The following SEM1 variants were observed in gnomAD, a reference collection of about 807,000 sequenced individuals.
SEM1 encodes SEM1 26S proteasome subunit.
SEM1 carries 3 observed loss-of-function variants against 12.7 expected under a neutral mutation model. That is an observed-to-expected ratio of 0.24 (90% CI 0.11 to 0.61). The LOEUF (loss-of-function observed/expected upper bound fraction) is 0.61. Among genes scored for constraint, SEM1 ranks in the 20% least tolerant of loss-of-function variants. The pLI is 0.88. For missense variants in SEM1, 59 were observed against 81.3 expected (o/e 0.73, Z 1.06); for synonymous variants, 30 against 27.8 (o/e 1.08, Z -0.25).
At chr7:96,518,695 A>G (rs891465586) in intron 2 of SEM1, among the ~76,000 whole-genome samples, 4 of 152,158 alleles carry the variant, frequency 2.6e-5, no homozygotes, top group African/African-American at 9.7e-5. Context: ...AACCAGTGTC[A>G]TTATTCTGAT....
At chr7:96,687,125 G>C (rs1789783154), downstream of SEM1, among the ~76,000 whole-genome samples, 1 of 152,130 alleles carries the variant, frequency 6.6e-6, no homozygotes, top group Admixed American at 6.5e-5. Flanking sequence ...TCATTAAAAA[G>C]TCAGGAAACA....
At chr7:96,633,238 A>G (rs1808327855) in intron 2 of SEM1, among the ~76,000 whole-genome samples, 1 of 152,148 alleles carries the variant, frequency 6.6e-6, no homozygotes, top group Non-Finnish European at 1.5e-5. Flanking sequence ...TTTAATTGTC[A>G]TAGGAAAAAT....
At chr7:96,551,025 A>C in intron 2 of SEM1, among the ~76,000 whole-genome samples, 1 of 152,218 alleles carries the variant, frequency 6.6e-6, no homozygotes. Context: ...ACACTCACCA[A>C]GAAGAGATAG....
chr7:96,647,184 G>T (rs901569406), intron 2 of SEM1, among the ~76,000 whole-genome samples: 1 of 152,130 alleles, frequency 6.6e-6, no homozygotes, highest in Non-Finnish European at 1.5e-5. Flanking sequence ...GGGAGGTGAG[G>T]TATAGCACTG....
chr7:96,519,472 A>C (rs2115617155), intron 2 of SEM1, among the ~76,000 whole-genome samples: 1 of 151,950 alleles, frequency 6.6e-6, no homozygotes, highest in African/African-American at 2.4e-5. Flanking sequence ...GGGTAGATCA[A>C]GGTAAGTGGG....
chr7:96,605,251 C>T (rs1680224810), intron 2 of SEM1, among the ~76,000 whole-genome samples: 1 of 152,136 alleles, frequency 6.6e-6, no homozygotes, highest in Non-Finnish European at 1.5e-5. Context: ...CAGCCTTTGG[C>T]CCTACATTGG....
At chr7:96,574,379 A>G (rs1223900004) in intron 2 of SEM1, among the ~76,000 whole-genome samples, 1 of 112,310 alleles carries the variant, frequency 8.9e-6, no homozygotes, top group Non-Finnish European at 2.0e-5. Context: ...TATTGTGAAT[A>G]GTGCCGCAAT....
At chr7:96,551,692 T>G (rs1584756332) in intron 2 of SEM1, among the ~76,000 whole-genome samples, 1 of 123,284 alleles carries the variant, frequency 8.1e-6, no homozygotes, top group African/African-American at 3.2e-5. Context: ...GCAAGAGGAG[T>G]GAGACTCTGT....
At chr7:96,553,619 C>T (rs1373907876) in intron 2 of SEM1, among the ~76,000 whole-genome samples, 3 of 152,096 alleles carry the variant, frequency 2.0e-5, no homozygotes, top group South Asian at 2.1e-4. Context: ...AGTTTGAAGT[C>T]GGGTAGTGTG....
At chr7:96,564,953 G>C (rs575053590) in intron 2 of SEM1, among the ~76,000 whole-genome samples, 85 of 151,898 alleles carry the variant, frequency 5.6e-4, no homozygotes, top group African/African-American at 2.0e-3. Flanking sequence ...TTAAACTTTA[G>C]AAAACATAAG....
chr7:96,615,962 T>C (rs1473316558), intron 2 of SEM1, among the ~76,000 whole-genome samples: 7 of 152,228 alleles, frequency 4.6e-5, no homozygotes, highest in Admixed American at 4.6e-4. Flanking sequence ...GACACTTAGG[T>C]TGATTTGATA....
At chr7:96,552,956 C>T (rs1325677446) in intron 2 of SEM1, among the ~76,000 whole-genome samples, 1 of 150,796 alleles carries the variant, frequency 6.6e-6, no homozygotes, top group Non-Finnish European at 1.5e-5. Context: ...TGATGATGAG[C>T]ATTTTTTCAT....
intron 1 of SEM1, chr7:96,697,484 G>A (rs1790132712): frequency 6.6e-6 from 1 of 151,936 alleles, no homozygotes; most frequent in Admixed American, 6.6e-5. Flanking sequence ...CCAAATTTCT[G>A]AAAGGCATGA....
chr7:96,612,530 T>TA (rs1270969891), intron 2 of SEM1, among the ~76,000 whole-genome samples: 1 of 152,200 alleles, frequency 6.6e-6, no homozygotes, highest in African/African-American at 2.4e-5. Context: ...ACCTTGTAAT[T>TA]AAAAAATTGC....
intron 2 of SEM1, among the ~76,000 whole-genome samples, chr7:96,573,941 T>A (rs11534026): frequency 1.1e-4 from 16 of 151,084 alleles, no homozygotes; most frequent in South Asian, 4.2e-4. Context: ...TTTTTTTTAA[T>A]ATTTTTTATT....
intron 2 of SEM1, among the ~76,000 whole-genome samples, chr7:96,659,382 A>G (rs528764506): frequency 1.3e-5 from 2 of 152,316 alleles, no homozygotes; most frequent in African/African-American, 4.8e-5. Flanking sequence ...TTATACTCTC[A>G]GCATAACTGT....
downstream of SEM1, among the ~76,000 whole-genome samples, chr7:96,620,817 C>G (rs777166817): frequency 2.0e-4 from 31 of 151,972 alleles, no homozygotes; most frequent in Admixed American, 1.7e-3. Context: ...GTTGTGCTCA[C>G]TCTATGTTAT....
chr7:96,607,427 GA>G (rs1298707271), intron 2 of SEM1, among the ~76,000 whole-genome samples: 1 of 152,058 alleles, frequency 6.6e-6, no homozygotes, highest in Non-Finnish European at 1.5e-5. Context: ...TATTGAATCA[GA>G]AAAAAGGAAA....
intron 2 of SEM1, among the ~76,000 whole-genome samples, chr7:96,550,517 A>G (rs1206144047): frequency 1.3e-5 from 2 of 152,192 alleles, no homozygotes; most frequent in Non-Finnish European, 2.9e-5. Context: ...GTTTTCTTGT[A>G]TTTACAGCAA....
Sources: allele counts gnomAD v4.1 joint callset (sites outside exome capture counted in the v4.1 genomes callset), GRCh38; gene constraint gnomAD v4.1.1; transcripts MANE v1.5; gene names NCBI Gene and HGNC (gene_info 2026-07-23, HGNC 2026-07-21).